Variants in STPG2 observed in about 807,000 individuals in gnomAD.
STPG2 encodes the protein sperm tail PG-rich repeat containing 2.
In STPG2, 56 loss-of-function variants were observed where a neutral mutation model predicts 54.2. The ratio of observed to expected loss-of-function variants is 1.03; its 90% CI spans 0.83 to 1.29. The LOEUF is 1.29. Among genes scored for constraint, STPG2 ranks in the 50% most tolerant of loss-of-function variants. The pLI, the probability that STPG2 is intolerant of heterozygous loss-of-function variation, is 0.00. For missense variants in STPG2, 596 were observed against 544.9 expected, an observed-to-expected ratio of 1.09 and a Z score of -0.93; for synonymous variants, 200 against 181.8, an observed-to-expected ratio of 1.10 and a Z score of -0.81.
intron 10 of STPG2, among the ~76,000 whole-genome samples, chr4:97,649,326 A>G (rs1361494201): frequency 6.6e-6 from 1 of 152,142 alleles, no homozygotes; most frequent in Non-Finnish European, 1.5e-5. Flanking sequence ...ATTTAATGGG[A>G]AAAACAGGTA....
At chr4:97,840,318 G>A (rs554997848) in intron 9 of STPG2, among the ~76,000 whole-genome samples, 1 of 151,368 alleles carries the variant, frequency 6.6e-6, no homozygotes, top group Non-Finnish European at 1.5e-5. Flanking sequence ...AATGCTGAAT[G>A]ACTTTATTAG....
intron 8 of STPG2, among the ~76,000 whole-genome samples, chr4:97,927,340 A>C (rs2149215593): frequency 6.6e-6 from 1 of 152,222 alleles, no homozygotes; most frequent in South Asian, 2.1e-4. Flanking sequence ...ATATTTTGTT[A>C]TGAGTCGTCA....
chr4:97,832,317 C>G (rs1728493519), intron 9 of STPG2, among the ~76,000 whole-genome samples: 1 of 150,232 alleles, frequency 6.7e-6, no homozygotes, highest in Non-Finnish European at 1.5e-5. Context: ...TTGACAACAC[C>G]CTTCATGCTA....
intron 9 of STPG2, among the ~76,000 whole-genome samples, chr4:97,757,705 T>C (rs1393520879): frequency 2.0e-5 from 3 of 152,198 alleles, no homozygotes; most frequent in Non-Finnish European, 2.9e-5. Flanking sequence ...TATTCATGCA[T>C]TATTAACGGT....
At chr4:97,527,063 A>T (rs369693762) in intron 4 of STPG2, among the ~76,000 whole-genome samples, 1 of 151,322 alleles carries the variant, frequency 6.6e-6, no homozygotes, top group African/African-American at 2.4e-5. Context: ...GCTTTGTTAT[A>T]TAGGTATACA....
intron 10 of STPG2, among the ~76,000 whole-genome samples, chr4:97,654,392 A>G (rs1427512347): frequency 6.6e-6 from 1 of 152,122 alleles, no homozygotes; most frequent in Non-Finnish European, 1.5e-5. Context: ...TAGTGGAAAT[A>G]TAATTGGTAA....
intron 5 of STPG2, among the ~76,000 whole-genome samples, chr4:98,033,751 C>A (rs1458978432): frequency 6.6e-6 from 1 of 152,152 alleles, no homozygotes; most frequent in East Asian, 1.9e-4. Context: ...AGCTTATCCA[C>A]CACGATCAAG....
chr4:97,585,778 G>C (rs1418951452), intron 10 of STPG2, among the ~76,000 whole-genome samples: 1 of 151,916 alleles, frequency 6.6e-6, no homozygotes, highest in Non-Finnish European at 1.5e-5. Context: ...ATGTAACACT[G>C]CAAAGCATCT....
At chr4:98,080,190 T>C (rs531757801) in intron 5 of STPG2, among the ~76,000 whole-genome samples, 17 of 152,342 alleles carry the variant, frequency 1.1e-4, no homozygotes, top group African/African-American at 3.4e-4. Context: ...AATTGTTTAA[T>C]GTAAAATAAT....
chr4:97,878,700 C>T (rs1183053571), intron 8 of STPG2, among the ~76,000 whole-genome samples: 2 of 152,172 alleles, frequency 1.3e-5, no homozygotes, highest in African/African-American at 4.8e-5. Context: ...ATGGGAGGGG[C>T]TGCTCTGAAG....
chr4:98,007,790 G>A (rs534206322), intron 5 of STPG2, among the ~76,000 whole-genome samples: 1 of 151,676 alleles, frequency 6.6e-6, no homozygotes, highest in South Asian at 2.1e-4. Flanking sequence ...TAAAACTTCT[G>A]GAAATAAAAA....
intron 4 of STPG2, among the ~76,000 whole-genome samples, chr4:97,518,656 A>C (rs1731123145): frequency 6.6e-6 from 1 of 152,150 alleles, no homozygotes; most frequent in Non-Finnish European, 1.5e-5. Flanking sequence ...CAGGGCGACA[A>C]AAATTGGCTA....
intron 10 of STPG2, among the ~76,000 whole-genome samples, chr4:97,602,567 ATACTCT>A (rs1259040912): frequency 6.6e-6 from 1 of 151,826 alleles, no homozygotes; most frequent in African/African-American, 2.4e-5. Context: ...TTTTGGATAG[ATACTCT>A]TAATTACATT....
At chr4:97,597,893 T>G (rs1733341512) in intron 10 of STPG2, among the ~76,000 whole-genome samples, 1 of 151,794 alleles carries the variant, frequency 6.6e-6, no homozygotes, top group South Asian at 2.1e-4. Flanking sequence ...AGAAACCAGG[T>G]AAGAGAAAGA....
At chr4:97,676,561 G>C (rs1167959806) in intron 10 of STPG2, among the ~76,000 whole-genome samples, 1 of 135,844 alleles carries the variant, frequency 7.4e-6, no homozygotes, top group Non-Finnish European at 1.6e-5. Flanking sequence ...AAGGAAGGAA[G>C]GAAGGAAGGA....
Position 98,107,596 on chromosome 4 carries a change from AACC to A in STPG2, c.501-1535_501-1533del, listed in dbSNP as rs1739223022. On this transcript the variant is annotated intron_variant, in intron 4 of 10. Coordinates refer to ENST00000295268, the MANE Select transcript of STPG2 (RefSeq NM_174952.3). ...AGAAGTAAAACAGACTGGTAGGAAA[AACC>A]ACCAAGCAGAATCAGTTAACACTGC... Among the ~76,000 whole-genome samples, 3 of 152,184 alleles carry A rather than the reference AACC, an allele frequency of 2.0e-5. No individual in the cohort carries two copies. In the South Asian group the frequency reaches 6.2e-4, roughly 32 times the overall value.
chr4:97,848,485 A>T (rs1729037773), intron 8 of STPG2, among the ~76,000 whole-genome samples: 1 of 152,158 alleles, frequency 6.6e-6, no homozygotes, highest in African/African-American at 2.4e-5. Flanking sequence ...ATCTAGGGGT[A>T]TACAAGCTCC....
intron 9 of STPG2, among the ~76,000 whole-genome samples, chr4:97,713,018 A>C (rs1005384622): frequency 1.3e-5 from 2 of 152,188 alleles, no homozygotes; most frequent in African/African-American, 4.8e-5. Flanking sequence ...TTTACCTAAT[A>C]ATTAAATATA....
At chr4:97,765,557 T>G (rs1726016070) in intron 9 of STPG2, among the ~76,000 whole-genome samples, 1 of 152,150 alleles carries the variant, frequency 6.6e-6, no homozygotes, top group African/African-American at 2.4e-5. Context: ...TTGGCATAAC[T>G]TAGGGGGTAC....
Sources: gnomAD v4.1 joint callset for allele counts (sites outside exome capture counted in the v4.1 genomes callset) on GRCh38, gnomAD v4.1.1 for gene constraint, MANE v1.5 for transcripts, NCBI Gene and HGNC (gene_info 2026-07-23, HGNC 2026-07-21) for gene names.